The following AZIN1 variants were observed in gnomAD, a reference collection of about 807,000 sequenced individuals.
AZIN1 encodes the protein antizyme inhibitor 1.
In AZIN1, 12 loss-of-function variants were observed where a neutral mutation model predicts 47.4. The ratio of observed to expected loss-of-function variants is 0.25; its 90% CI spans 0.16 to 0.41. The LOEUF is 0.41. AZIN1 is among the 10% of genes least tolerant of loss of function. The probability of loss-of-function intolerance (pLI) is 1.00; values close to 1 mark genes in which losing one functional copy is unlikely to be tolerated. For synonymous variants in AZIN1, 155 were observed against 176.3 expected, an observed-to-expected ratio of 0.88 and a Z score of 0.96; for missense variants, 410 against 532.4, an observed-to-expected ratio of 0.77 and a Z score of 2.26.
chr8:102,859,692 T>C (rs1047861606), intron 1 of AZIN1, among the ~76,000 whole-genome samples: 3 of 152,052 alleles, frequency 2.0e-5, no homozygotes, highest in African/African-American at 7.2e-5. Flanking sequence ...AAAAATCAGC[T>C]GGGCATGGCG....
chr8:102,834,562 T>C (rs531032201), intron 7 of AZIN1, 104 bp downstream of exon 7: 5 of 845,094 alleles, frequency 5.9e-6, no homozygotes, highest in African/African-American at 3.4e-5. Flanking sequence ...GTGTGTCACG[T>C]TGAATGTAGT....
chr8:102,832,631 C>T (rs1363018124), intron 9 of AZIN1, among the ~76,000 whole-genome samples: 1 of 151,234 alleles, frequency 6.6e-6, no homozygotes, highest in African/African-American at 2.4e-5. Flanking sequence ...GGAATGGGAC[C>T]TTGGCTTTAA....
In AZIN1 at chr8:102,843,441, A is replaced by G. The variant is rs1242352312; in HGVS notation, c.102+110T>C. 28 of 877,416 alleles carry G rather than the reference A, an allele frequency of 3.2e-5. 1 individual carries two copies. Among genetic ancestry groups the G allele is most frequent in the Non-Finnish European group, 4.8e-5 (27 of 565,936 alleles). 54.4% of individuals were successfully genotyped at this position (877,416 alleles called of 1,614,324 possible). A position where few individuals can be genotyped will look rare whatever the true frequency, so the allele number is the denominator to read the frequency against. ...GGGGAGGAAGGTCAAGTTAAATCAG[A>G]TAGCATATGAACCAAGTACTTCTGA... On this transcript the variant is annotated intron_variant, in intron 3 of 11. Coordinates refer to ENST00000337198, the MANE Select transcript of AZIN1 (RefSeq NM_148174.4).
At chr8:102,847,225 T>C (rs574467727) in intron 2 of AZIN1, among the ~76,000 whole-genome samples, 1 of 152,284 alleles carries the variant, frequency 6.6e-6, no homozygotes, top group African/African-American at 2.4e-5. Flanking sequence ...ATTTGTTTTC[T>C]TTCATTATAC....
chr8:102,830,744 T>C (rs1811401336), intron 9 of AZIN1, among the ~76,000 whole-genome samples: 1 of 151,958 alleles, frequency 6.6e-6, no homozygotes, highest in Admixed American at 6.6e-5. Flanking sequence ...TGGACTACCA[T>C]TACCACCAAC....
chr8:102,854,901 C>T (rs894918067), intron 2 of AZIN1, among the ~76,000 whole-genome samples: 4 of 152,074 alleles, frequency 2.6e-5, no homozygotes, highest in African/African-American at 9.7e-5. Flanking sequence ...TGAATCTGAC[C>T]ACATCACTGG....
At chr8:102,863,182 A>T (rs1211908069) in intron 1 of AZIN1, among the ~76,000 whole-genome samples, 1 of 152,098 alleles carries the variant, frequency 6.6e-6, no homozygotes, top group Non-Finnish European at 1.5e-5. Flanking sequence ...CCAGGCCCCA[A>T]GTGGCGTCAA....
chr8:102,861,252 C>G (rs574762387), intron 1 of AZIN1, among the ~76,000 whole-genome samples: 59 of 152,108 alleles, frequency 3.9e-4, no homozygotes, highest in African/African-American at 1.4e-3. Flanking sequence ...GAGATGAAGT[C>G]CCGCTGCTCT....
Position 102,846,369 on chromosome 8 carries a change from A to G in AZIN1, c.-95-2622T>C, listed in dbSNP as rs138144628. On this transcript the variant is annotated intron_variant, in intron 2 of 11. Coordinates refer to ENST00000337198, the MANE Select transcript of AZIN1 (RefSeq NM_148174.4). ...TTTTTCCCAAATATTTTCAAACCATATAATTTCATAGGTTCAACTCTGACT... is the reference window on the plus strand; with the variant it reads ...TTTTTCCCAAATATTTTCAAACCATGTAATTTCATAGGTTCAACTCTGACT... Among the ~76,000 whole-genome samples, 254 of 152,360 alleles carry G rather than the reference A, an allele frequency of 1.7e-3. 2 individuals carry two copies. Among genetic ancestry groups the G allele is most frequent in the Middle Eastern group, 3.4e-3 (1 of 294 alleles).
intron 2 of AZIN1, among the ~76,000 whole-genome samples, chr8:102,852,581 T>C (rs193055701): frequency 1.2e-3 from 187 of 151,880 alleles, no homozygotes; most frequent in Middle Eastern, 3.4e-3. Context: ...AAAAAAATAA[T>C]AGTAAAAAAA....
chr8:102,829,473 T>C lies in AZIN1; in HGVS notation c.1034A>G (p.Asp345Gly). Residue 345 changes from aspartate to glycine, a missense_variant, in exon 11 of 12, where the codon GAT becomes GGT. Physicochemically the swap from Asp to Gly is moderately conservative, Grantham distance 94. Transcript: ENST00000337198. ...AAGGCTGCTTGTAAACAGAGGCTCA[T>C]CTTCCTTGTATTTCTGTAGGAAAAG... is the stretch of plus-strand genomic sequence containing the variant. ...IPEVHKKYKE[D>G]EPLFTSSLWG... 1.9e-6 allele frequency: 3 copies of C among 1,605,608 alleles called. No individual in the cohort carries two copies. The South Asian group carries it at 3.4e-5, about 18-fold the overall frequency.
chr8:102,838,695 A>G (rs2131220184), intron 5 of AZIN1, 49 bp downstream of exon 5: 1 of 1,489,100 alleles, frequency 6.7e-7, no homozygotes, highest in South Asian at 1.3e-5. Flanking sequence ...GACAAACCCA[A>G]CCCTCTAAGT....
Position 102,836,624 on chromosome 8 carries a change from ACT to A in AZIN1, c.450-236_450-235del, listed in dbSNP as rs1811840982. ...ATTTTGGAAAATGCAGCAAGTTAAG[ACT>A]CTGTTGTAGCATCAAGAGTTGGTTG... On this transcript the variant is annotated intron_variant, in intron 5 of 11. Transcript: ENST00000337198. 10 of 484,886 alleles carry A rather than the reference ACT, an allele frequency of 2.1e-5. No individual in the cohort carries two copies. In the South Asian group the frequency reaches 2.6e-4, roughly 13 times the overall value. The allele number at this position is 484,886 out of a possible 1,614,324, so 30.0% of individuals were successfully genotyped here. A position where few individuals can be genotyped will look rare whatever the true frequency, so the allele number is the denominator to read the frequency against.
At chr8:102,838,154 C>G (rs1406482991) in intron 5 of AZIN1, among the ~76,000 whole-genome samples, 1 of 151,738 alleles carries the variant, frequency 6.6e-6, no homozygotes, top group South Asian at 2.1e-4. Context: ...TGAGCCACTG[C>G]GCCCAGCCTT....
intron 1 of AZIN1, among the ~76,000 whole-genome samples, chr8:102,860,914 CTG>C: frequency 6.6e-6 from 1 of 152,184 alleles, no homozygotes; most frequent in East Asian, 1.9e-4. Flanking sequence ...CTTTTCTAGA[CTG>C]TGATGGTAAT....
chr8:102,855,688 A>G (rs775955800), intron 2 of AZIN1: 7 of 152,218 alleles, frequency 4.6e-5, no homozygotes, highest in Admixed American at 1.3e-4. Flanking sequence ...TATGGGCCAA[A>G]TAATTTCCAT....
At chr8:102,833,669 TGGGGCAGGAGGATCACTTG>T (rs1811616661) in intron 8 of AZIN1, among the ~76,000 whole-genome samples, 1 of 151,680 alleles carries the variant, frequency 6.6e-6, no homozygotes, top group African/African-American at 2.4e-5. Flanking sequence ...TTTGGGAGGC[TGGGGCAGGAGGATCACTTG>T]GGGACAGGAG....
At chr8:102,834,516 A>C in intron 7 of AZIN1, 150 bp downstream of exon 7, 1 of 661,252 alleles carries the variant, frequency 1.5e-6, no homozygotes, top group Non-Finnish European at 2.6e-6. Flanking sequence ...GTGTGACTGT[A>C]CAGAGCTCTG....
chr8:102,860,918 G>A (rs912331471), intron 1 of AZIN1, among the ~76,000 whole-genome samples: 1 of 152,192 alleles, frequency 6.6e-6, no homozygotes, highest in Non-Finnish European at 1.5e-5. Context: ...TCTAGACTGT[G>A]ATGGTAATGA....
Sources: allele counts gnomAD v4.1 joint callset (sites outside exome capture counted in the v4.1 genomes callset), GRCh38; gene constraint gnomAD v4.1.1; transcripts MANE v1.5; gene names NCBI Gene and HGNC (gene_info 2026-07-23, HGNC 2026-07-21).